IRAG2: variants seen among roughly 807,000 people sequenced by gnomAD.
The protein encoded by IRAG2 is inositol 1,4,5-triphosphate receptor associated 2, also known as lymphoid restricted membrane protein.
In IRAG2, 45 loss-of-function variants were observed where a neutral mutation model predicts 69.9. The observed-to-expected ratio is 0.64, with a 90% confidence interval of 0.51 to 0.83. The LOEUF is 0.83. Ranked by LOEUF, IRAG2 falls within the 40% of genes least tolerant of loss-of-function variation. The probability of loss-of-function intolerance (pLI) is 0.00; values close to 1 mark genes in which losing one functional copy is unlikely to be tolerated. For missense variants in IRAG2, 520 were observed against 587.0 expected (o/e 0.89, Z 1.18); for synonymous variants, 193 against 202.4 (o/e 0.95, Z 0.40).
At chr12:25,078,151 C>A (rs903937465) in intron 6 of IRAG2, among the ~76,000 whole-genome samples, 6 of 152,114 alleles carry the variant, frequency 3.9e-5, no homozygotes, top group Non-Finnish European at 7.4e-5. Context: ...ATAAGTAAAT[C>A]TTTTCTTGCT....
chr12:25,059,748 C>T (rs1427427513), intron 1 of IRAG2, among the ~76,000 whole-genome samples: 3 of 152,030 alleles, frequency 2.0e-5, no homozygotes, highest in Admixed American at 6.6e-5. Flanking sequence ...CCTAGTAACA[C>T]TATGTCAAGC....
chr12:25,032,886 A>G (rs1243168292), intron 12 of IRAG2, among the ~76,000 whole-genome samples: 1 of 152,102 alleles, frequency 6.6e-6, no homozygotes, highest in Non-Finnish European at 1.5e-5. Context: ...GGGCAAACAA[A>G]CATTCAGTCC....
chr12:25,053,393 T>A (rs980386525), intron 1 of IRAG2, among the ~76,000 whole-genome samples: 2 of 151,902 alleles, frequency 1.3e-5, no homozygotes, highest in Non-Finnish European at 2.9e-5. Flanking sequence ...TTTTAGGGGG[T>A]TGGGCAAAAT....
intron 9 of IRAG2, among the ~76,000 whole-genome samples, chr12:25,028,183 C>T (rs1283645563): frequency 6.6e-6 from 1 of 152,158 alleles, no homozygotes; most frequent in Non-Finnish European, 1.5e-5. Context: ...CCTCAGCCTC[C>T]CAAAGTGTTG....
intron 17 of IRAG2, chr12:25,102,728 T>A (rs895700022): frequency 2.6e-5 from 4 of 153,656 alleles, no homozygotes; most frequent in African/African-American, 9.6e-5. Context: ...AAGTAACATT[T>A]CTCTTTCCAT....
chr12:25,006,809 A>G (rs1944436535), intron 2 of IRAG2, among the ~76,000 whole-genome samples: 1 of 152,180 alleles, frequency 6.6e-6, no homozygotes, highest in African/African-American at 2.4e-5. Context: ...AAACCTCAGC[A>G]ACACGCAATT....
Position 25,090,327 on chromosome 12 carries a change from A to G in IRAG2, c.606+130A>G, listed in dbSNP as rs545691625. ...GAGACCAAGGCAGGAGGATCACTTG[A>G]GGCCCGGAGTTCAAGATCATCCTGG... On this transcript the variant is annotated intron_variant, in intron 14 of 21. Transcript: ENST00000556887. 10 of 773,248 alleles carry G rather than the reference A, an allele frequency of 1.3e-5. No homozygotes were observed. The East Asian group carries it at 2.7e-4, about 21-fold the overall frequency. 47.9% of individuals were successfully genotyped at this position (773,248 alleles called of 1,614,324 possible).
intron 10 of IRAG2, among the ~76,000 whole-genome samples, chr12:25,085,735 C>T (rs1049553768): frequency 1.3e-5 from 2 of 152,206 alleles, no homozygotes; most frequent in African/African-American, 4.8e-5. Flanking sequence ...CTTCCCTGCC[C>T]ACCTCCCATA....
chr12:24,997,657 T>C, the IRAG2 span: 2 of 154,170 alleles, frequency 1.3e-5, no homozygotes, highest in African/African-American at 4.8e-5. Flanking sequence ...TTTTGGCTGA[T>C]GCTGGCCTTT....
intron 9 of IRAG2, 146 bp downstream of exon 9, chr12:25,079,909 T>C (rs1165513830): frequency 5.2e-6 from 3 of 578,670 alleles, no homozygotes; most frequent in South Asian, 2.4e-5. Flanking sequence ...TTTGAAGATA[T>C]AGTCTGCAGA....
intron 9 of IRAG2, among the ~76,000 whole-genome samples, chr12:25,027,031 C>CT (rs36008257): frequency 7.7e-4 from 113 of 146,994 alleles, no homozygotes; most frequent in Middle Eastern, 3.5e-3. Context: ...CCTTTTCCTT[C>CT]TTTTTTTTTT....
At position 25,106,979 on chromosome 12, in the gene IRAG2, A is replaced by G. The variant is rs1949203241; in HGVS notation, c.1185A>G (p.Thr395=). 6.2e-7 allele frequency: 1 copy of G among 1,607,094 alleles called. No individual in the cohort carries two copies. Among genetic ancestry groups the G allele is most frequent in the Non-Finnish European group, 8.5e-7 (1 of 1,175,620 alleles). Residue 395 remains threonine, a synonymous_variant, in exon 21 of 22, where the codon ACA becomes ACG. Transcript: ENST00000556887. The stretch of plus-strand genomic sequence containing the variant: ...ACTCAGAGCCATCTGGAGAAGAAAC[A>G]GTAGAAAGGACAAGGAAGCCAAGTC... The part of the protein sequence containing the change: ...KDDSEPSGEE[T]VERTRKPSLS...
chr12:25,066,267 T>G (rs774799639), intron 4 of IRAG2, 98 bp from the exon 5 acceptor site: 10 of 397,120 alleles, frequency 2.5e-5, no homozygotes, highest in African/African-American at 8.2e-5. Context: ...GGGTTAACTT[T>G]CACTTTTTCA....
chr12:25,011,735 G>A (rs572710529), intron 3 of IRAG2, among the ~76,000 whole-genome samples: 1 of 152,320 alleles, frequency 6.6e-6, no homozygotes, highest in African/African-American at 2.4e-5. Context: ...CAGCAGATCT[G>A]GGGTGAAGCC....
At chr12:25,013,966 C>A (rs1434412840) in intron 3 of IRAG2, among the ~76,000 whole-genome samples, 1 of 145,814 alleles carries the variant, frequency 6.9e-6, no homozygotes, top group Non-Finnish European at 1.5e-5. Context: ...GCTCCGCCTC[C>A]AGGGTTCATG....
chr12:25,020,931 T>C (rs1944573511), intron 7 of IRAG2: 7 of 1,148,666 alleles, frequency 6.1e-6, no homozygotes, highest in Non-Finnish European at 7.7e-6. Context: ...TATAGTACTT[T>C]GAATTTGGCG....
intron 13 of IRAG2, 122 bp from the exon 14 acceptor site, chr12:25,089,935 G>T: frequency 7.7e-7 from 1 of 1,290,386 alleles, no homozygotes. Flanking sequence ...CCCTGTGCAT[G>T]TCAGCATTAT....
rs1944422347 is a variant in IRAG2, at chr12:25,005,261, G to A, written c.595G>A (p.Asp199Asn). The change falls in exon 2 of 39, where the codon GAT becomes AAT. Residue 199 changes from aspartate (D) to asparagine (N), a missense_variant. Asp to Asn is a conservative substitution (Grantham distance 23, BLOSUM62 1). Coordinates refer to the IRAG2 transcript ENST00000636465. ...AATAGGATGGAAACAAGAAGCTGAT[G>A]ATGGTAAAGAAGATGTAATATACAG... 4 of 1,229,232 alleles carry A rather than the reference G, an allele frequency of 3.3e-6. No homozygotes were observed. In the Admixed American group the frequency reaches 1.3e-4, roughly 39 times the overall value. 76.1% of individuals were successfully genotyped at this position (1,229,232 alleles called of 1,614,324 possible). A position where few individuals can be genotyped will look rare whatever the true frequency, so the allele number is the denominator to read the frequency against.
At chr12:25,084,089 A>G (rs1287265341) in intron 10 of IRAG2, among the ~76,000 whole-genome samples, 1 of 152,206 alleles carries the variant, frequency 6.6e-6, no homozygotes, top group Non-Finnish European at 1.5e-5. Flanking sequence ...TTCCTTCCTT[A>G]AAGAGAAAAT....
Sources: gnomAD v4.1 joint callset for allele counts (sites outside exome capture counted in the v4.1 genomes callset) on GRCh38, gnomAD v4.1.1 for gene constraint, MANE v1.5 for transcripts, NCBI Gene and HGNC (gene_info 2026-07-23, HGNC 2026-07-21) for gene names.